Variants in PCDHGA3 observed in about 807,000 individuals in gnomAD.
PCDHGA3 encodes protocadherin gamma-A3.
PCDHGA3 carries 40 observed loss-of-function variants against 58.5 expected under a neutral mutation model. That is an observed-to-expected ratio of 0.68 (90% CI 0.53 to 0.89). The LOEUF is 0.89. Among genes scored for constraint, PCDHGA3 ranks in the 40% least tolerant of loss-of-function variants. PCDHGA3 has a pLI of 0.00. For synonymous variants in PCDHGA3, 530 were observed against 525.7 expected, an observed-to-expected ratio of 1.01 and a Z score of -0.11; for missense variants, 1,223 against 1,195.9, an observed-to-expected ratio of 1.02 and a Z score of -0.33.
At chr5:141,474,871 A>G (rs894657981) in intron 1 of PCDHGA3, among the ~76,000 whole-genome samples, 5 of 152,236 alleles carry the variant, frequency 3.3e-5, no homozygotes, top group African/African-American at 1.2e-4. Context: ...ATAGGATAGG[A>G]GCAGGAACTC....
chr5:141,422,027 C>A, intron 1 of PCDHGA3: 1 of 1,610,650 alleles, frequency 6.2e-7, no homozygotes, highest in Non-Finnish European at 8.5e-7. Context: ...ATGGTTAATG[C>A]AACGGATCCA....
chr5:141,477,184 C>T lies in PCDHGA3; in HGVS notation c.2425-17623C>T. On this transcript the variant is annotated intron_variant, in intron 1 of 3. Coordinates refer to ENST00000253812, the MANE Select transcript of PCDHGA3 (RefSeq NM_018916.4). The surrounding 1 kb of genome is among the most constrained non-coding windows in gnomAD (Gnocchi z 4.9). ...ACGCCCCGGAGATCACAGTCACCTC[C>T]GTGTACAGCCCAGTACCCGAGGATG... The T allele has an allele frequency of 3.7e-6, 6 of 1,614,178 alleles. No individual in the cohort carries two copies. Among genetic ancestry groups the T allele is most frequent in the Non-Finnish European group, 5.1e-6 (6 of 1,180,032 alleles).
chr5:141,358,600 A>T (rs1210662603), intron 1 of PCDHGA3, among the ~76,000 whole-genome samples: 1 of 152,208 alleles, frequency 6.6e-6, no homozygotes. Context: ...CACTCCTGTG[A>T]TTATGAGAAA....
At chr5:141,499,625 C>A (rs1238895570) in intron 2 of PCDHGA3, among the ~76,000 whole-genome samples, 1 of 149,832 alleles carries the variant, frequency 6.7e-6, no homozygotes, top group East Asian at 2.0e-4. Flanking sequence ...TCCTTGGATT[C>A]TTTTGAAGCA....
intron 1 of PCDHGA3, chr5:141,422,492 C>A (rs747903569): frequency 2.5e-6 from 4 of 1,613,816 alleles, no homozygotes; most frequent in African/African-American, 2.7e-5. Flanking sequence ...TACAATATAA[C>A]GTTGACAGCC....
chr5:141,346,631 G>A (rs1561492643), intron 1 of PCDHGA3, 174 bp downstream of exon 1: 1 of 974,094 alleles, frequency 1.0e-6, no homozygotes, highest in Non-Finnish European at 1.5e-6. Flanking sequence ...TCCCCGGTCT[G>A]GTTATGGTTG....
intron 1 of PCDHGA3, chr5:141,394,860 G>T: frequency 1.2e-6 from 2 of 1,613,792 alleles, no homozygotes; most frequent in Non-Finnish European, 1.7e-6. Context: ...GCCTTCGGTC[G>T]ACCCGAACGA....
chr5:141,399,605 A>G, intron 1 of PCDHGA3: 1 of 1,613,968 alleles, frequency 6.2e-7, no homozygotes, highest in Non-Finnish European at 8.5e-7. Context: ...AGCGACCTAG[A>G]GCCTCTGGCA....
Position 141,490,711 on chromosome 5 carries a change from T to C in PCDHGA3, c.2425-4096T>C. ...CACTGGGGATAATGCCCGCCTCACC[T>C]ACTCCATTGTAGGAAATCAGGTTCA... On this transcript the variant is annotated intron_variant, in intron 1 of 3. Transcript: ENST00000253812. The surrounding 1 kb of genome is among the most constrained non-coding windows in gnomAD (Gnocchi z 5.4). The C allele has an allele frequency of 6.2e-7, 1 of 1,614,200 alleles. No individual in the cohort carries two copies. Among genetic ancestry groups the C allele is most frequent in the Non-Finnish European group, 8.5e-7 (1 of 1,180,002 alleles).
At chr5:141,388,908 G>A (rs1240421900) in intron 1 of PCDHGA3, 5 of 1,613,892 alleles carry the variant, frequency 3.1e-6, no homozygotes, top group Admixed American at 1.7e-5. Flanking sequence ...AAATGACAAC[G>A]CCCCAGAAGT....
intron 1 of PCDHGA3, chr5:141,352,039 C>T (rs1320731784): frequency 6.2e-7 from 1 of 1,608,678 alleles, no homozygotes; most frequent in South Asian, 1.1e-5. Context: ...TGGACGCAGA[C>T]TCAGGACACA....
In PCDHGA3 at chr5:141,489,088, G is replaced by GGCA; in HGVS notation, c.2425-5719_2425-5718insGCA. The GGCA allele has an allele frequency of 2.9e-6, 1 of 347,238 alleles. No individual in the cohort carries two copies. Among genetic ancestry groups the GGCA allele is most frequent in the Non-Finnish European group, 5.0e-6 (1 of 200,706 alleles). The allele number at this position is 347,238 out of a possible 1,614,324, so 21.5% of individuals were successfully genotyped here. A position where few individuals can be genotyped will look rare whatever the true frequency, so the allele number is the denominator to read the frequency against. The stretch of plus-strand genomic sequence containing the variant: ...CCCCTGCCCACCCCCGCCACTCGGT[G>GGCA]ACTAAGAACTGCTGCAAGCAGGCAA... On this transcript the variant is annotated intron_variant, in intron 1 of 3. Coordinates refer to ENST00000253812, the MANE Select transcript of PCDHGA3 (RefSeq NM_018916.4). This position sits in a 1 kb window ranked among gnomAD's most constrained non-coding sequence, Gnocchi z 4.5.
chr5:141,431,607 A>G lies in PCDHGA3; in HGVS notation c.2425-63200A>G. ...GCGGAAGTGAGGTATTCCTTCCGGT[A>G]TGTGGACGACAAGGCGGCCCAAGTT... is the stretch of plus-strand genomic sequence containing the variant. On this transcript the variant is annotated intron_variant, in intron 1 of 3. Transcript: ENST00000253812. The surrounding 1 kb of genome is among the most constrained non-coding windows in gnomAD (Gnocchi z 4.8). 6.2e-7 allele frequency: 1 copy of G among 1,614,230 alleles called. No individual in the cohort carries two copies. Among genetic ancestry groups the G allele is most frequent in the Non-Finnish European group, 8.5e-7 (1 of 1,180,040 alleles).
At chr5:141,483,648 T>TTGTGTGTGTGTGTG (rs111458813) in intron 1 of PCDHGA3, among the ~76,000 whole-genome samples, 2 of 149,592 alleles carry the variant, frequency 1.3e-5, no homozygotes, top group Non-Finnish European at 3.0e-5. Context: ...GGGTGTGTGT[T>TTGTGTGTGTGTGTG]TGTGTGTGTG....
rs747268184 is a variant in PCDHGA3, at chr5:141,489,769, C to A, written c.2425-5038C>A. On this transcript the variant is annotated intron_variant, in intron 1 of 3. Coordinates refer to ENST00000253812, the MANE Select transcript of PCDHGA3 (RefSeq NM_018916.4). This position sits in a 1 kb window ranked among gnomAD's most constrained non-coding sequence, Gnocchi z 4.5. ...CTTTTACACTCTAAGCCCCAACAGC[C>A]ACTTCTCTCTGAATGTGAAGACCCT... The A allele has an allele frequency of 6.2e-7, 1 of 1,614,156 alleles. No individual in the cohort carries two copies. The highest frequency in any genetic ancestry group is 1.1e-5 in the South Asian group (1 of 91,080).
chr5:141,408,287 C>G (rs2095075582), intron 1 of PCDHGA3: 1 of 1,613,354 alleles, frequency 6.2e-7, no homozygotes, highest in African/African-American at 1.3e-5. Flanking sequence ...CTACCCCACC[C>G]TGAGTGAGCC....
intron 1 of PCDHGA3, chr5:141,372,539 G>A: frequency 6.2e-7 from 1 of 1,614,050 alleles, no homozygotes; most frequent in Non-Finnish European, 8.5e-7. Flanking sequence ...CCCTGCGCCT[G>A]CGATGCTCCT....
At chr5:141,443,344 G>T (rs1016738767) in intron 1 of PCDHGA3, among the ~76,000 whole-genome samples, 2 of 151,966 alleles carry the variant, frequency 1.3e-5, no homozygotes, top group African/African-American at 2.4e-5. Context: ...AATTAACAAG[G>T]TTTAGTGGTC....
rs2099686717 is a variant in PCDHGA3, at chr5:141,489,403, A to C, written c.2425-5404A>C. The C allele has an allele frequency of 6.2e-7, 1 of 1,614,172 alleles. No homozygotes were observed. Among genetic ancestry groups the C allele is most frequent in the East Asian group, 2.2e-5 (1 of 44,884 alleles). On this transcript the variant is annotated intron_variant, in intron 1 of 3. Coordinates refer to ENST00000253812, the MANE Select transcript of PCDHGA3 (RefSeq NM_018916.4). The surrounding 1 kb of genome is among the most constrained non-coding windows in gnomAD (Gnocchi z 4.5). ...GAATGTTGCTCAGGATCTGGGCTTA[A>C]AGATGACAGATCTGTTGAGCCGGCG...
Sources: allele counts gnomAD v4.1 joint callset (sites outside exome capture counted in the v4.1 genomes callset), GRCh38; gene constraint gnomAD v4.1.1; non-coding constraint Gnocchi (gnomAD v3.1); transcripts MANE v1.5; gene names NCBI Gene and HGNC (gene_info 2026-07-23, HGNC 2026-07-21).